Variants in ZNF469 observed in about 807,000 individuals in gnomAD.
ZNF469 encodes the protein zinc finger protein 469.
A neutral mutation model predicts 1.0 loss-of-function variants in ZNF469; 1 was observed. The ratio of observed to expected loss-of-function variants is 1.00; its 90% CI spans 0.35 to 4.73. The LOEUF (loss-of-function observed/expected upper bound fraction) is 4.73. Among genes scored for constraint, ZNF469 ranks in the 30% most tolerant of loss-of-function variants. The probability of loss-of-function intolerance (pLI) is 0.16; values close to 1 mark genes in which losing one functional copy is unlikely to be tolerated. For missense variants in ZNF469, 6,100 were observed against 5,356.3 expected (o/e 1.14, Z -4.33); for synonymous variants, 2,703 against 2,363.4 (o/e 1.14, Z -4.17).
At chr16:88,248,154 C>A in the ZNF469 span, among the ~76,000 whole-genome samples, 4 of 151,896 alleles carry the variant, frequency 2.6e-5, no homozygotes, top group Non-Finnish European at 4.4e-5. Flanking sequence ...GTGGGATACA[C>A]AAGGAGAGAA....
chr16:88,320,023 C>T, the ZNF469 span, among the ~76,000 whole-genome samples: 1 of 152,220 alleles, frequency 6.6e-6, no homozygotes, highest in African/African-American at 2.4e-5. Context: ...TAACAGGCAC[C>T]CCCCAAATGT....
chr16:88,382,828 C>G (rs1210848388), upstream of ZNF469, among the ~76,000 whole-genome samples: 1 of 152,100 alleles, frequency 6.6e-6, no homozygotes, highest in Non-Finnish European at 1.5e-5. Context: ...GGAGCAATGC[C>G]TCAGGGCCCC....
intron 1 of ZNF469, among the ~76,000 whole-genome samples, chr16:88,393,823 G>A (rs113393463): frequency 1.2e-3 from 177 of 152,346 alleles, no homozygotes; most frequent in African/African-American, 3.7e-3. Context: ...CAAGTGGGGC[G>A]GACGCTGCCC....
chr16:88,297,213 C>T, the ZNF469 span, among the ~76,000 whole-genome samples: 18 of 152,216 alleles, frequency 1.2e-4, no homozygotes, highest in South Asian at 2.3e-3. Flanking sequence ...GAGATTGGGA[C>T]GGGGCAGGCG....
At chr16:88,391,752 T>G (rs1416508898) in intron 1 of ZNF469, among the ~76,000 whole-genome samples, 1 of 152,214 alleles carries the variant, frequency 6.6e-6, no homozygotes. Flanking sequence ...CTCATCGGCT[T>G]TCAAGAGAAG....
chr16:88,387,362 CG>C (rs2142262366), intron 1 of ZNF469, among the ~76,000 whole-genome samples: 1 of 152,254 alleles, frequency 6.6e-6, no homozygotes, highest in South Asian at 2.1e-4. Flanking sequence ...GGCTTCAGGG[CG>C]GGGTGGGAGC....
rs1415921709 is a variant in ZNF469, at chr16:88,427,367, C to G, written c.-104C>G. 1 of 1,218,840 alleles carries G rather than the reference C, an allele frequency of 8.2e-7. No individual in the cohort carries two copies. Among genetic ancestry groups the G allele is most frequent in the African/African-American group, 1.5e-5 (1 of 65,410 alleles). The allele number at this position is 1,218,840 out of a possible 1,614,324, so 75.5% of individuals were successfully genotyped here. On this transcript the variant is annotated 5_prime_UTR_variant, in exon 3 of 3. Transcript: ENST00000565624. ...CAGGCTCCACTCAGGACCATGAGCG[C>G]AGGCTTCCCTGGGGCCCATCGAGGG...
the ZNF469 span, among the ~76,000 whole-genome samples, chr16:88,167,728 G>T: frequency 0.57 from 86,167 of 152,028 alleles, 25,804 homozygotes; most frequent in Non-Finnish European, 0.67. Context: ...CGCCCATCCC[G>T]GGCAGAGCTG....
the ZNF469 span, among the ~76,000 whole-genome samples, chr16:88,331,436 A>G: frequency 1.3e-5 from 2 of 151,260 alleles, no homozygotes; most frequent in Non-Finnish European, 2.9e-5. Flanking sequence ...CACCACCATC[A>G]TAACCATCAT....
At chr16:88,394,807 G>A (rs573521438) in intron 1 of ZNF469, among the ~76,000 whole-genome samples, 2 of 152,318 alleles carry the variant, frequency 1.3e-5, no homozygotes, top group South Asian at 2.1e-4. Context: ...TGGACACGTC[G>A]GAGCCCTGTC....
the ZNF469 span, among the ~76,000 whole-genome samples, chr16:88,131,847 T>A: frequency 6.6e-6 from 1 of 152,196 alleles, no homozygotes; most frequent in Non-Finnish European, 1.5e-5. Context: ...TGTGACCTCC[T>A]GGTGGGGAAT....
the ZNF469 span, among the ~76,000 whole-genome samples, chr16:88,355,713 G>T: frequency 2.5e-3 from 378 of 152,336 alleles, 2 homozygotes; most frequent in African/African-American, 8.8e-3. Context: ...TGGGAGTCTT[G>T]CAGGGAGAGT....
At chr16:88,402,004 G>A (rs1381812032) in intron 1 of ZNF469, among the ~76,000 whole-genome samples, 2 of 139,150 alleles carry the variant, frequency 1.4e-5, no homozygotes, top group Admixed American at 1.4e-4. Flanking sequence ...AGATGGATGG[G>A]TGGATGGATA....
rs916851969 is a variant in ZNF469, at chr16:88,437,422, G to A, written c.9952G>A (p.Gly3318Ser). ...TPSPSPDPWAGGEPLLQATPV... is the reference protein window; with the variant it reads ...TPSPSPDPWASGEPLLQATPV... ...CAGCCCGTCCCCCGACCCCTGGGCC[G>A]GCGGGGAGCCCCTCCTGCAAGCCAC... Residue 3318 changes from glycine to serine, a missense_variant, in exon 3 of 3, where the codon GGC (glycine) becomes AGC (serine). By Grantham distance (56) the Gly-to-Ser change is moderately conservative (BLOSUM62 0). Transcript: ENST00000565624. 6 of 1,518,158 alleles carry A rather than the reference G, an allele frequency of 4.0e-6. No homozygotes were observed. Among genetic ancestry groups the A allele is most frequent in the African/African-American group, 2.8e-5 (2 of 71,018 alleles). 94.0% of individuals were successfully genotyped at this position (1,518,158 alleles called of 1,614,324 possible). A position where few individuals can be genotyped will look rare whatever the true frequency, so the allele number is the denominator to read the frequency against.
chr16:88,314,292 G>A, the ZNF469 span, among the ~76,000 whole-genome samples: 3 of 146,528 alleles, frequency 2.0e-5, no homozygotes, highest in Non-Finnish European at 3.0e-5. Context: ...TATCATCTCT[G>A]TAATTCAGGC....
chr16:88,280,620 T>G, the ZNF469 span, among the ~76,000 whole-genome samples: 1 of 151,954 alleles, frequency 6.6e-6, no homozygotes, highest in Non-Finnish European at 1.5e-5. Context: ...CAACGCTTGG[T>G]CAGTACCATG....
chr16:88,101,649 G>T, the ZNF469 span, among the ~76,000 whole-genome samples: 1 of 151,894 alleles, frequency 6.6e-6, no homozygotes, highest in Non-Finnish European at 1.5e-5. Context: ...AGTCCACAGC[G>T]AATCTGAGGC....
chr16:88,170,805 G>A, the ZNF469 span, among the ~76,000 whole-genome samples: 2 of 152,092 alleles, frequency 1.3e-5, no homozygotes, highest in East Asian at 3.9e-4. The surrounding 1 kb of genome is among the most constrained non-coding windows in gnomAD (Gnocchi z 4.2). Context: ...GGATCATATG[G>A]TGGTTTTACT....
At chr16:88,380,793 CACTCACACAT>C (rs2142256464), upstream of ZNF469, among the ~76,000 whole-genome samples, 1 of 90,026 alleles carries the variant, frequency 1.1e-5, no homozygotes, top group East Asian at 7.6e-4. Flanking sequence ...CACACACATG[CACTCACACAT>C]GCACACACAC....
Sources: gnomAD v4.1 joint callset for allele counts (sites outside exome capture counted in the v4.1 genomes callset) on GRCh38, gnomAD v4.1.1 for gene constraint, Gnocchi (gnomAD v3.1) non-coding constraint, MANE v1.5 for transcripts, NCBI Gene and HGNC (gene_info 2026-07-23, HGNC 2026-07-21) for gene names.